The following CCDC126 variants were observed in gnomAD, a reference collection of about 807,000 sequenced individuals.
CCDC126 encodes the protein coiled-coil domain-containing protein 126.
A neutral mutation model predicts 11.7 loss-of-function variants in CCDC126; 5 were observed. That is an observed-to-expected ratio of 0.43 (90% confidence interval 0.22 to 0.90). CCDC126 has a LOEUF of 0.90. Among genes scored for constraint, CCDC126 ranks in the 40% least tolerant of loss-of-function variants. CCDC126 has a pLI of 0.27. For synonymous variants in CCDC126, 60 were observed against 61.9 expected, an observed-to-expected ratio of 0.97 and a Z score of 0.14; for missense variants, 150 against 163.1, an observed-to-expected ratio of 0.92 and a Z score of 0.44.
chr7:23,617,348 C>CA (rs35391703), intron 3 of CCDC126, among the ~76,000 whole-genome samples: 2,004 of 35,944 alleles, frequency 0.056, 135 homozygotes, highest in South Asian at 0.1. Context: ...ATGCTGTCTC[C>CA]AAAAAAAAAA....
At chr7:23,603,569 C>T (rs763001762) in intron 2 of CCDC126, among the ~76,000 whole-genome samples, 17 of 152,322 alleles carry the variant, frequency 1.1e-4, no homozygotes, top group Admixed American at 2.6e-4. Context: ...AACTGGGTTT[C>T]ATTTTTAGGC....
chr7:23,638,726 T>TA (rs1783291366), intron 3 of CCDC126, among the ~76,000 whole-genome samples: 2 of 39,212 alleles, frequency 5.1e-5, no homozygotes, highest in Admixed American at 2.3e-4. Context: ...AAAAAAAAAA[T>TA]TAAAAAAAAA....
intron 3 of CCDC126, among the ~76,000 whole-genome samples, chr7:23,636,109 G>A (rs1372026204): frequency 3.3e-5 from 5 of 152,192 alleles, no homozygotes; most frequent in Admixed American, 3.3e-4. Flanking sequence ...CGAGTGATCC[G>A]CCAGCCTCGG....
rs151038136 is a variant in CCDC126 at position 23,626,102 on chromosome 7, AT to A, written c.238+14556del. ...TTTATGATTTAGTTTTGTGCTGAAA[AT>A]TTTTTTCTCCATAACTTATATTCTA... On this transcript the variant is annotated intron_variant, in intron 3 of 3. Coordinates refer to ENST00000307471, the MANE Select transcript of CCDC126 (RefSeq NM_138771.4). 3.3e-5 allele frequency among the ~76,000 whole-genome samples: 5 copies of A among 151,550 alleles called. No individual in the cohort carries two copies. In the South Asian group the frequency reaches 1.0e-3, roughly 31 times the overall value.
chr7:23,599,148 C>G lies in CCDC126; in HGVS notation c.-146+1097C>G, dbSNP rs961627495. Among the ~76,000 whole-genome samples, 6 of 152,338 alleles carry G rather than the reference C, an allele frequency of 3.9e-5. No homozygotes were observed. In the East Asian group the frequency reaches 1.2e-3, roughly 29 times the overall value. On this transcript the variant is annotated intron_variant, in intron 2 of 3. Coordinates refer to ENST00000307471, the MANE Select transcript of CCDC126 (RefSeq NM_138771.4). Reference sequence around the variant, plus strand: ...AGTTATCACTCTCTCATGAGCTGCACAGTTTCTCTGCATTTTTGACATGCT... The same window carrying G: ...AGTTATCACTCTCTCATGAGCTGCAGAGTTTCTCTGCATTTTTGACATGCT...
chr7:23,613,508 T>G (rs1303651449), intron 3 of CCDC126, among the ~76,000 whole-genome samples: 2 of 152,184 alleles, frequency 1.3e-5, no homozygotes, highest in Non-Finnish European at 2.9e-5. Context: ...GTGAGCTCCT[T>G]TCCGATTTTT....
intron 3 of CCDC126, among the ~76,000 whole-genome samples, chr7:23,630,405 A>G (rs1355698960): frequency 6.6e-6 from 1 of 152,112 alleles, no homozygotes; most frequent in Admixed American, 6.5e-5. Context: ...AGGCTGAGGT[A>G]TGAGAATTGC....
At chr7:23,609,983 T>G (rs1342334559) in intron 2 of CCDC126, among the ~76,000 whole-genome samples, 1 of 152,250 alleles carries the variant, frequency 6.6e-6, no homozygotes, top group East Asian at 1.9e-4. Context: ...TAAAGAATTT[T>G]GCTCCATTTG....
intron 2 of CCDC126, among the ~76,000 whole-genome samples, chr7:23,598,846 G>A (rs561433771): frequency 1.8e-4 from 28 of 152,298 alleles, no homozygotes; most frequent in African/African-American, 6.3e-4. Context: ...CACTATCTGT[G>A]TAACCTGAGA....
chr7:23,600,276 T>G (rs1782514171), intron 2 of CCDC126, among the ~76,000 whole-genome samples: 1 of 152,286 alleles, frequency 6.6e-6, no homozygotes, highest in Admixed American at 6.5e-5. Flanking sequence ...CACTCATTAT[T>G]TCCGTATCTT....
chr7:23,600,426 A>G (rs1782520659), intron 2 of CCDC126, among the ~76,000 whole-genome samples: 1 of 144,728 alleles, frequency 6.9e-6, no homozygotes, highest in South Asian at 2.4e-4. Context: ...CATAGAGAAA[A>G]TATTTTAGGA....
chr7:23,616,974 A>AT (rs1782804256), intron 3 of CCDC126, among the ~76,000 whole-genome samples: 1 of 151,622 alleles, frequency 6.6e-6, no homozygotes, highest in South Asian at 2.1e-4. Context: ...TTTTTACTTC[A>AT]TTTTTTGAGA....
chr7:23,597,775 G>T (rs1782449219), intron 1 of CCDC126, 170 bp downstream of exon 1: 3 of 152,098 alleles, frequency 2.0e-5, no homozygotes. Flanking sequence ...GGCCGCGGCC[G>T]GGAAGGCTCT....
At position 23,643,005 on chromosome 7, in the gene CCDC126, G is replaced by A. The variant is rs1783390797; in HGVS notation, c.313G>A (p.Asp105Asn). ...QRLVKLENKV[D>N]YIVVNGSAAN... ...ATTGGTGAAGCTGGAGAACAAAGTT[G>A]ACTATATTGTTGTGAATGGCTCAGC... is the stretch of plus-strand genomic sequence containing the variant. The change falls in exon 4 of 4, where the codon GAC becomes AAC. Residue 105 changes from aspartate (D) to asparagine (N), a missense_variant. Physicochemically the swap from Asp to Asn is conservative, Grantham distance 23. Coordinates refer to ENST00000307471, the MANE Select transcript of CCDC126 (RefSeq NM_138771.4). The A allele has an allele frequency of 1.2e-6, 2 of 1,614,070 alleles. No homozygotes were observed. The highest frequency in any genetic ancestry group is 3.3e-5 in the Admixed American group (2 of 60,008).
intron 2 of CCDC126, among the ~76,000 whole-genome samples, chr7:23,610,301 T>A (rs904971638): frequency 6.6e-6 from 1 of 152,170 alleles, no homozygotes; most frequent in African/African-American, 2.4e-5. Flanking sequence ...ACCCTTAACC[T>A]CTCAGGCTCA....
At chr7:23,641,175 T>G (rs1241071230) in intron 3 of CCDC126, among the ~76,000 whole-genome samples, 1 of 152,118 alleles carries the variant, frequency 6.6e-6, no homozygotes, top group African/African-American at 2.4e-5. Context: ...CAACACTTAT[T>G]TTCCATTTCT....
rs775812443 is a variant in CCDC126 at position 23,611,296 on chromosome 7, G to T, written c.-20G>T. On this transcript the variant is annotated 5_prime_UTR_variant, in exon 3 of 4. Transcript: ENST00000307471. ...AAGTTACCATTTTTCAGTCAAGTCT[G>T]TTTGTTTGCTTCTTCAGAAATGTTT... 2.0e-6 allele frequency: 3 copies of T among 1,497,990 alleles called. No homozygotes were observed. The East Asian group carries it at 6.8e-5, about 34-fold the overall frequency. 92.8% of individuals were successfully genotyped at this position (1,497,990 alleles called of 1,614,324 possible).
chr7:23,634,316 A>T (rs1239593929), intron 3 of CCDC126, among the ~76,000 whole-genome samples: 2 of 152,006 alleles, frequency 1.3e-5, no homozygotes, highest in Non-Finnish European at 2.9e-5. Context: ...GTGTGCCTGT[A>T]GTCCCAGCTA....
chr7:23,608,618 C>T (rs1350567402), intron 2 of CCDC126, among the ~76,000 whole-genome samples: 1 of 152,102 alleles, frequency 6.6e-6, no homozygotes, highest in East Asian at 1.9e-4. Context: ...GAGAATAATG[C>T]CTAATGGCAT....
Sources: allele counts gnomAD v4.1 joint callset (sites outside exome capture counted in the v4.1 genomes callset), GRCh38; gene constraint gnomAD v4.1.1; transcripts MANE v1.5; gene names NCBI Gene and HGNC (gene_info 2026-07-23, HGNC 2026-07-21).